The following PLEKHM1 variants were observed in gnomAD, a reference collection of about 807,000 sequenced individuals.
PLEKHM1 encodes pleckstrin homology and RUN domain containing M1.
In PLEKHM1, 28 loss-of-function variants were observed where a neutral mutation model predicts 94.3. The observed-to-expected ratio is 0.30, with a 90% confidence interval of 0.22 to 0.41. PLEKHM1 has a LOEUF of 0.41. PLEKHM1 is among the 10% of genes least tolerant of loss of function. The pLI is 1.00. For missense variants in PLEKHM1, 907 were observed against 1,358.6 expected (o/e 0.67, Z 5.22); for synonymous variants, 424 against 581.2 (o/e 0.73, Z 3.89).
intron 2 of PLEKHM1, among the ~76,000 whole-genome samples, chr17:45,479,307 C>T (rs1008003562): frequency 6.6e-6 from 1 of 152,106 alleles, no homozygotes; most frequent in Non-Finnish European, 1.5e-5. Flanking sequence ...ATCACGAGGT[C>T]AGAAGATCGA....
chr17:45,435,093 C>G (rs1279341381), downstream of PLEKHM1, among the ~76,000 whole-genome samples: 1 of 152,110 alleles, frequency 6.6e-6, no homozygotes, highest in Non-Finnish European at 1.5e-5. Context: ...TGTGGCCCTC[C>G]TCTGGGCCTC....
chr17:45,482,279 T>C (rs950519364), intron 2 of PLEKHM1, among the ~76,000 whole-genome samples, 158 bp downstream of exon 2: 1 of 137,986 alleles, frequency 7.2e-6, no homozygotes, highest in Non-Finnish European at 1.6e-5. Flanking sequence ...AATAAGGTGA[T>C]CTAGAAAAGA....
chr17:45,451,786 C>G (rs913779926), intron 7 of PLEKHM1, among the ~76,000 whole-genome samples: 1 of 152,194 alleles, frequency 6.6e-6, no homozygotes, highest in South Asian at 2.1e-4. Flanking sequence ...GAGTTGCCCC[C>G]GCAGCATTCA....
rs2050827404 is a variant in PLEKHM1, at chr17:45,453,297, C to A, written c.2497+58G>T. On this transcript the variant is annotated intron_variant, in intron 7 of 11. Coordinates refer to ENST00000430334, the MANE Select transcript of PLEKHM1 (RefSeq NM_014798.3). This position sits in a 1 kb window ranked among gnomAD's most constrained non-coding sequence, Gnocchi z 4.1. Reference sequence around the variant, plus strand: ...AAGGGTGGGGAGCCTAAATCAGGAACCAGCAGGAGGTGGAGTGAGGCTGGC... The same window carrying A: ...AAGGGTGGGGAGCCTAAATCAGGAAACAGCAGGAGGTGGAGTGAGGCTGGC... 2 of 1,570,034 alleles carry A rather than the reference C, an allele frequency of 1.3e-6. No homozygotes were observed. Among genetic ancestry groups the A allele is most frequent in the Non-Finnish European group, 8.7e-7 (1 of 1,154,850 alleles).
chr17:45,474,339 G>A (rs1213851699), intron 4 of PLEKHM1, among the ~76,000 whole-genome samples: 4 of 152,018 alleles, frequency 2.6e-5, no homozygotes, highest in Non-Finnish European at 5.9e-5. Context: ...TTACAGGCGT[G>A]AGCCACCGTG....
chr17:45,490,617 C>A (rs1004743313), intron 1 of PLEKHM1, 35 bp downstream of exon 1: 2 of 431,860 alleles, frequency 4.6e-6, no homozygotes. Flanking sequence ...CCCACCACTC[C>A]GCCGCCCTCC....
At chr17:45,434,419 T>G (rs2050208581), downstream of PLEKHM1, 1 of 152,204 alleles carries the variant, frequency 6.6e-6, no homozygotes, top group Non-Finnish European at 1.5e-5. Flanking sequence ...CACTAAGCAG[T>G]GCTTACCACA....
intron 4 of PLEKHM1, among the ~76,000 whole-genome samples, chr17:45,472,878 C>A (rs1567795853): frequency 6.6e-6 from 1 of 152,146 alleles, no homozygotes; most frequent in Admixed American, 6.5e-5. Context: ...GGACCTGAAC[C>A]AAGGCGAGGG....
chr17:45,471,778 T>C (rs2051522332), intron 4 of PLEKHM1, among the ~76,000 whole-genome samples: 1 of 152,094 alleles, frequency 6.6e-6, no homozygotes, highest in Non-Finnish European at 1.5e-5. Context: ...AAATATTGAA[T>C]AAAATAAAAT....
intron 4 of PLEKHM1, among the ~76,000 whole-genome samples, chr17:45,472,577 A>C (rs1042557870): frequency 6.6e-6 from 1 of 152,224 alleles, no homozygotes; most frequent in African/African-American, 2.4e-5. Flanking sequence ...GTCACACTGC[A>C]GGCCTGTCAT....
rs553163346 is a variant in PLEKHM1 at position 45,444,604 on chromosome 17, G to A, written c.2837+866C>T. 6.6e-6 allele frequency among the ~76,000 whole-genome samples: 1 copy of A among 152,236 alleles called. No homozygotes were observed. The highest frequency in any genetic ancestry group is 1.9e-4 in the East Asian group (1 of 5,176). Reference sequence around the variant, plus strand: ...AACATCTGGCCCTCACCTGCCTCTCGCCACACTCCCCACTTCCCTCCTCAC... The same window carrying A: ...AACATCTGGCCCTCACCTGCCTCTCACCACACTCCCCACTTCCCTCCTCAC... On this transcript the variant is annotated intron_variant, in intron 9 of 11. Transcript: ENST00000430334. This position sits in a 1 kb window ranked among gnomAD's most constrained non-coding sequence, Gnocchi z 5.0.
chr17:45,457,525 A>T (rs2051000175), intron 6 of PLEKHM1, among the ~76,000 whole-genome samples: 1 of 149,346 alleles, frequency 6.7e-6, no homozygotes, highest in Non-Finnish European at 1.5e-5. Context: ...ACATGATTGC[A>T]CTCCAGCCTG....
At chr17:45,474,790 C>T (rs1255899462) in intron 4 of PLEKHM1, among the ~76,000 whole-genome samples, 1 of 152,174 alleles carries the variant, frequency 6.6e-6, no homozygotes, top group East Asian at 1.9e-4. Context: ...GTATCAGCCT[C>T]CCAAGTGCTG....
At chr17:45,474,203 G>A (rs1241260924) in intron 4 of PLEKHM1, among the ~76,000 whole-genome samples, 1 of 151,656 alleles carries the variant, frequency 6.6e-6, no homozygotes. Context: ...ACTACAAGGC[G>A]CCCGCCACCA....
intron 6 of PLEKHM1, chr17:45,456,415 C>A (rs956933797): frequency 1.3e-5 from 2 of 152,254 alleles, no homozygotes; most frequent in Non-Finnish European, 2.9e-5. Context: ...ATGTTGCCCA[C>A]AGCTCCCTGC....
rs1273587374 is a variant in PLEKHM1 at position 45,436,153 on chromosome 17, G to A, written c.*1705C>T. The A allele has an allele frequency of 3.1e-5, 14 of 455,652 alleles. No individual in the cohort carries two copies. The highest frequency in any genetic ancestry group is 5.3e-5 in the Non-Finnish European group (12 of 226,958). 28.2% of individuals were successfully genotyped at this position (455,652 alleles called of 1,614,324 possible). On this transcript the variant is annotated 3_prime_UTR_variant, in exon 12 of 12. Transcript: ENST00000430334. ...CCAGGGCCTCAAACCTGCTGCCTCC[G>A]AGGGCACCTTCGGGGAGAATCCTCA... is the stretch of plus-strand genomic sequence containing the variant.
intron 4 of PLEKHM1, among the ~76,000 whole-genome samples, chr17:45,470,803 C>A (rs1221221500): frequency 1.3e-5 from 2 of 150,762 alleles, no homozygotes; most frequent in African/African-American, 4.9e-5. Context: ...GGACTACAGA[C>A]GCCCGCCACA....
intron 9 of PLEKHM1, among the ~76,000 whole-genome samples, chr17:45,443,822 G>A (rs903506892): frequency 2.6e-5 from 4 of 152,112 alleles, no homozygotes; most frequent in Non-Finnish European, 5.9e-5. Flanking sequence ...TCAGAGGTAG[G>A]GAGTAAGTCA....
intron 1 of PLEKHM1, among the ~76,000 whole-genome samples, chr17:45,490,308 G>A (rs2052271776): frequency 6.6e-6 from 1 of 152,094 alleles, no homozygotes; most frequent in African/African-American, 2.4e-5. Flanking sequence ...GATGAGGTGT[G>A]TCAGGGCGGG....
Sources: gnomAD v4.1 joint callset for allele counts (sites outside exome capture counted in the v4.1 genomes callset) on GRCh38, gnomAD v4.1.1 for gene constraint, Gnocchi (gnomAD v3.1) non-coding constraint, MANE v1.5 for transcripts, NCBI Gene and HGNC (gene_info 2026-07-23, HGNC 2026-07-21) for gene names.